Variants in TNFRSF11A observed in about 807,000 individuals in gnomAD.
TNFRSF11A encodes TNF receptor superfamily member 11a.
In TNFRSF11A, 32 loss-of-function variants were observed where a neutral mutation model predicts 55.7. The ratio of observed to expected loss-of-function variants is 0.57; its 90% CI spans 0.43 to 0.77. TNFRSF11A has a LOEUF of 0.77. Ranked by LOEUF, TNFRSF11A falls within the 30% of genes least tolerant of loss-of-function variation. The pLI, the probability that TNFRSF11A is intolerant of heterozygous loss-of-function variation, is 0.00. For synonymous variants in TNFRSF11A, 311 were observed against 331.0 expected, an observed-to-expected ratio of 0.94 and a Z score of 0.65; for missense variants, 753 against 809.8, an observed-to-expected ratio of 0.93 and a Z score of 0.85.
At chr18:62,379,306 T>A (rs999836190) in intron 9 of TNFRSF11A, among the ~76,000 whole-genome samples, 1 of 152,344 alleles carries the variant, frequency 6.6e-6, no homozygotes, top group South Asian at 2.1e-4. Context: ...AGCACACTGA[T>A]TATTCACAAC....
intron 9 of TNFRSF11A, among the ~76,000 whole-genome samples, chr18:62,378,545 G>A (rs76388775): frequency 0.11 from 16,392 of 152,176 alleles, 960 homozygotes; most frequent in Admixed American, 0.14. Flanking sequence ...TGGGAGTTCC[G>A]TGAGCACGGA....
rs187760420 is a variant in TNFRSF11A, at chr18:62,365,765, A to G, written c.731-943A>G. 1.3e-3 allele frequency among the ~76,000 whole-genome samples: 199 copies of G among 152,226 alleles called. 1 individual carries two copies. Among genetic ancestry groups the G allele is most frequent in the Non-Finnish European group, 2.1e-3 (142 of 67,994 alleles). ...CATAGAACAGGAAGTTCTGTTTTTG[A>G]TGGGAGTAAGATGGCTTCATAGCCT... On this transcript the variant is annotated intron_variant, in intron 7 of 9. Transcript: ENST00000586569.
chr18:62,337,779 T>A (rs1446897209), intron 1 of TNFRSF11A, among the ~76,000 whole-genome samples: 1 of 152,222 alleles, frequency 6.6e-6, no homozygotes, highest in African/African-American at 2.4e-5. Flanking sequence ...TCCCCTGGAC[T>A]GTAAGCCAGG....
chr18:62,333,565 G>A (rs1396215806), intron 1 of TNFRSF11A, among the ~76,000 whole-genome samples: 1 of 152,228 alleles, frequency 6.6e-6, no homozygotes, highest in Non-Finnish European at 1.5e-5. Context: ...CACCTTGCTA[G>A]TAAGTTGAGA....
chr18:62,376,678 A>T (rs1379798332), intron 9 of TNFRSF11A, among the ~76,000 whole-genome samples: 2 of 152,080 alleles, frequency 1.3e-5, no homozygotes, highest in African/African-American at 4.8e-5. Flanking sequence ...TGCATCCACC[A>T]TGATAGTCTC....
intron 9 of TNFRSF11A, among the ~76,000 whole-genome samples, 159 bp from the exon 10 acceptor site, chr18:62,384,592 C>T (rs1320019627): frequency 6.6e-6 from 1 of 151,570 alleles, no homozygotes. Flanking sequence ...CGCCTTCCTC[C>T]GCCTCAGTGG....
chr18:62,384,675 G>T lies in TNFRSF11A; in HGVS notation c.1568-76G>T, dbSNP rs910842852. ...TCCGGGGAGCCGCCCTCCACTCCCC[G>T]GAACCTTCCTCTCGGCAGACCCTGC... On this transcript the variant is annotated intron_variant, in intron 9 of 9. Transcript: ENST00000586569. The T allele has an allele frequency of 3.8e-5, 59 of 1,555,048 alleles. 1 individual carries two copies. Among genetic ancestry groups the T allele is most frequent in the Non-Finnish European group, 5.0e-5 (57 of 1,144,266 alleles).
chr18:62,383,167 C>T lies in TNFRSF11A; in HGVS notation c.1568-1584C>T, dbSNP rs2145399073. On this transcript the variant is annotated intron_variant, in intron 9 of 9. Transcript: ENST00000586569. This position sits in a 1 kb window ranked among gnomAD's most constrained non-coding sequence, Gnocchi z 4.2. ...TGCCACTGCCCATCTTGAAGGACAT[C>T]CCACACAACTGCCCATGGGAGAAAC... is the stretch of plus-strand genomic sequence containing the variant. Among the ~76,000 whole-genome samples the T allele has an allele frequency of 6.6e-6, 1 of 152,288 alleles. No individual in the cohort carries two copies. The highest frequency in any genetic ancestry group is 6.5e-5 in the Admixed American group (1 of 15,300).
chr18:62,350,005 A>G (rs1041946011), intron 3 of TNFRSF11A, 68 bp downstream of exon 3: 20 of 1,599,240 alleles, frequency 1.3e-5, no homozygotes, highest in Admixed American at 1.0e-4. Flanking sequence ...CTATAGAAAC[A>G]TTTTTAGAGG....
rs1911843390 is a variant in TNFRSF11A, at chr18:62,387,931, T to G, written c.*2897T>G. The G allele has an allele frequency of 6.6e-6, 1 of 152,112 alleles. No homozygotes were observed. The highest frequency in any genetic ancestry group is 2.1e-4 in the South Asian group (1 of 4,826). 9.4% of individuals were successfully genotyped at this position (152,112 alleles called of 1,614,324 possible). On this transcript the variant is annotated 3_prime_UTR_variant, in exon 10 of 10. Transcript: ENST00000586569. ...AGTAGTTAGAGATCAAACTGGGCAA[T>G]GGAGTGAGACCTCGTCTCTACAAAA...
rs1479072770 is a variant in TNFRSF11A, at chr18:62,383,427, A to T, written c.1568-1324A>T. Among the ~76,000 whole-genome samples, 4 of 152,106 alleles carry T rather than the reference A, an allele frequency of 2.6e-5. No individual in the cohort carries two copies. Among genetic ancestry groups the T allele is most frequent in the Non-Finnish European group, 5.9e-5 (4 of 68,030 alleles). ...AATCTCGTGTGGAGTGGTAACAAAA[A>T]CTTCATTTTATTTGTATGAATTATT... is the stretch of plus-strand genomic sequence containing the variant. On this transcript the variant is annotated intron_variant, in intron 9 of 9. Transcript: ENST00000586569. The surrounding 1 kb of genome is among the most constrained non-coding windows in gnomAD (Gnocchi z 4.2).
Position 62,360,015 on chromosome 18 carries a change from C to T in TNFRSF11A, c.582C>T (p.Cys194=), listed in dbSNP as rs1157796855. Residue 194 remains cysteine (C), a synonymous_variant, in exon 6 of 10, where the codon TGC becomes TGT. Transcript: ENST00000586569. ...GGACAGAGAAATCCGATGCGGTTTG[C>T]AGTTCTTCTCTGCCAGCTAGAAAAC... is the stretch of plus-strand genomic sequence containing the variant. ...HHGTEKSDAV[C]SSSLPARKPP... 3.7e-6 allele frequency: 6 copies of T among 1,613,820 alleles called. No homozygotes were observed. In the East Asian group the frequency reaches 8.9e-5, roughly 24 times the overall value.
chr18:62,349,056 G>A (rs1425250928), intron 2 of TNFRSF11A, among the ~76,000 whole-genome samples: 1 of 152,156 alleles, frequency 6.6e-6, no homozygotes, highest in Non-Finnish European at 1.5e-5. Flanking sequence ...AAGGCAGAGG[G>A]GAGAGGGGAT....
At chr18:62,366,869 G>A in intron 8 of TNFRSF11A, 109 bp downstream of exon 8, 1 of 1,183,514 alleles carries the variant, frequency 8.4e-7, no homozygotes, top group South Asian at 1.2e-5. Context: ...CTTTTTTTGA[G>A]ACGGAGTCTC....
rs1911953230 is a variant in TNFRSF11A, at chr18:62,390,468, G to A, written c.*5434G>A. The A allele has an allele frequency of 6.6e-6, 1 of 152,168 alleles. No individual in the cohort carries two copies. Among genetic ancestry groups the A allele is most frequent in the South Asian group, 2.1e-4 (1 of 4,824 alleles). The allele number at this position is 152,168 out of a possible 1,614,324, so 9.4% of individuals were successfully genotyped here. On this transcript the variant is annotated 3_prime_UTR_variant, in exon 10 of 10. Coordinates refer to ENST00000586569, the MANE Select transcript of TNFRSF11A (RefSeq NM_003839.4). ...CCTGGTGCCTCTCCCCGTTTGGGAAGAATAACACATTGACCACCGGCTCAG... is the reference window on the plus strand; with the variant it reads ...CCTGGTGCCTCTCCCCGTTTGGGAAAAATAACACATTGACCACCGGCTCAG...
rs1043804163 is a variant in TNFRSF11A at position 62,383,162 on chromosome 18, G to C, written c.1568-1589G>C. Among the ~76,000 whole-genome samples the C allele has an allele frequency of 6.6e-6, 1 of 152,138 alleles. No homozygotes were observed. Among genetic ancestry groups the C allele is most frequent in the Non-Finnish European group, 1.5e-5 (1 of 68,036 alleles). ...AGTCCTGCCACTGCCCATCTTGAAG[G>C]ACATCCCACACAACTGCCCATGGGA... On this transcript the variant is annotated intron_variant, in intron 9 of 9. Transcript: ENST00000586569. The surrounding 1 kb of genome is among the most constrained non-coding windows in gnomAD (Gnocchi z 4.2).
intron 7 of TNFRSF11A, among the ~76,000 whole-genome samples, chr18:62,362,539 A>G (rs192846477): frequency 6.7e-6 from 1 of 150,294 alleles, no homozygotes; most frequent in African/African-American, 2.4e-5. Flanking sequence ...AAAATAAGTT[A>G]TATTGAATAA....
At chr18:62,344,290 A>G (rs2046352297) in intron 1 of TNFRSF11A, among the ~76,000 whole-genome samples, 1 of 152,236 alleles carries the variant, frequency 6.6e-6, no homozygotes, top group South Asian at 2.1e-4. Flanking sequence ...TATTTGCTTC[A>G]TGAAGACAAC....
In TNFRSF11A at chr18:62,349,166, C is replaced by CT. The variant is rs35392545; in HGVS notation, c.158-632dup. ...CCAGTTTAAAATCATCATTCTATTC[C>CT]TTTTTTTTTTTTTTCTTTTTTTCTT... On this transcript the variant is annotated intron_variant, in intron 2 of 9. Transcript: ENST00000586569. Among the ~76,000 whole-genome samples, 224 of 143,290 alleles carry CT rather than the reference C, an allele frequency of 1.6e-3. 1 individual carries two copies. The highest frequency in any genetic ancestry group is 3.6e-3 in the Middle Eastern group (1 of 278). 94.0% of individuals were successfully genotyped at this position (143,290 alleles called of 152,430 possible).
Sources: gnomAD v4.1 joint callset for allele counts (sites outside exome capture counted in the v4.1 genomes callset) on GRCh38, gnomAD v4.1.1 for gene constraint, Gnocchi (gnomAD v3.1) non-coding constraint, MANE v1.5 for transcripts, NCBI Gene and HGNC (gene_info 2026-07-23, HGNC 2026-07-21) for gene names.